Variants in EIF3H observed in about 807,000 individuals in gnomAD.
EIF3H encodes the protein eIF-3-gamma.
In EIF3H, 26 loss-of-function variants were observed where a neutral mutation model predicts 44.2. The ratio of observed to expected loss-of-function variants is 0.59; its 90% confidence interval spans 0.43 to 0.82. EIF3H has a LOEUF of 0.82. Among genes scored for constraint, EIF3H ranks in the 40% least tolerant of loss-of-function variants. EIF3H has a pLI of 0.00. For missense variants in EIF3H, 359 were observed against 432.8 expected (o/e 0.83, Z 1.51); for synonymous variants, 166 against 151.9 (o/e 1.09, Z -0.68).
intron 1 of EIF3H, among the ~76,000 whole-genome samples, chr8:116,732,841 C>CTGA (rs1387836447): frequency 6.6e-6 from 1 of 152,236 alleles, no homozygotes; most frequent in Non-Finnish European, 1.5e-5. Flanking sequence ...CACAACACTG[C>CTGA]TGACACCAGA....
intron 7 of EIF3H, among the ~76,000 whole-genome samples, chr8:116,645,413 C>T (rs540081958): frequency 1.3e-5 from 2 of 152,288 alleles, no homozygotes; most frequent in South Asian, 2.1e-4. Context: ...GAGAAAACAG[C>T]GCTGACTAGC....
intron 2 of EIF3H, among the ~76,000 whole-genome samples, chr8:116,696,763 T>C (rs1331510282): frequency 2.0e-5 from 3 of 152,204 alleles, no homozygotes; most frequent in Non-Finnish European, 4.4e-5. Flanking sequence ...ATTTATTCCC[T>C]GTATCATGCT....
intron 5 of EIF3H, among the ~76,000 whole-genome samples, chr8:116,650,693 T>G (rs1813374157): frequency 6.6e-6 from 1 of 151,830 alleles, no homozygotes; most frequent in Admixed American, 6.6e-5. Flanking sequence ...TGAGACAGAG[T>G]TTCACTCATC....
At chr8:116,686,075 A>G (rs1247315574) in intron 2 of EIF3H, among the ~76,000 whole-genome samples, 1 of 152,224 alleles carries the variant, frequency 6.6e-6, no homozygotes, top group Non-Finnish European at 1.5e-5. Context: ...CTTTACTGAC[A>G]GTAGAAAAGA....
At chr8:116,694,531 C>T (rs1017296192) in intron 2 of EIF3H, among the ~76,000 whole-genome samples, 12 of 152,076 alleles carry the variant, frequency 7.9e-5, no homozygotes, top group Non-Finnish European at 1.2e-4. Flanking sequence ...TGCTAAATTG[C>T]GATAATTCTC....
chr8:116,728,366 T>C (rs976284287), intron 1 of EIF3H, among the ~76,000 whole-genome samples: 3 of 151,944 alleles, frequency 2.0e-5, no homozygotes, highest in Non-Finnish European at 2.9e-5. Context: ...ATCTAGGAAG[T>C]AGTAGAGCCA....
intron 2 of EIF3H, among the ~76,000 whole-genome samples, chr8:116,691,603 A>C (rs1040373034): frequency 6.6e-6 from 1 of 152,016 alleles, no homozygotes; most frequent in Non-Finnish European, 1.5e-5. Context: ...GGCCAGGCAC[A>C]ATGGTTCACA....
chr8:116,656,254 A>G (rs1286949154), intron 4 of EIF3H, among the ~76,000 whole-genome samples: 1 of 152,162 alleles, frequency 6.6e-6, no homozygotes, highest in Non-Finnish European at 1.5e-5. Context: ...AGAAGAAACT[A>G]CTCATTCTTT....
chr8:116,661,642 A>T (rs1554597784), intron 2 of EIF3H, among the ~76,000 whole-genome samples: 1 of 152,234 alleles, frequency 6.6e-6, no homozygotes, highest in Non-Finnish European at 1.5e-5. Context: ...AGCATGCATT[A>T]TGATTTAAAA....
chr8:116,747,468 T>A (rs1456091728), intron 1 of EIF3H, among the ~76,000 whole-genome samples: 2 of 152,210 alleles, frequency 1.3e-5, no homozygotes, highest in African/African-American at 4.8e-5. Context: ...CAGAAACACA[T>A]ATAATTAAAA....
At chr8:116,671,555 A>C (rs1813755282) in intron 2 of EIF3H, among the ~76,000 whole-genome samples, 1 of 152,206 alleles carries the variant, frequency 6.6e-6, no homozygotes, top group Admixed American at 6.5e-5. Context: ...TCATGCATTC[A>C]TTCCCATGAC....
Position 116,644,003 on chromosome 8 carries a change from TATACTTC to T in EIF3H, c.*996_*1002del, listed in dbSNP as rs1025838027. ...TCACAACACTTGCTGTTAGCAGAAT[TATACTTC>T]ATGGTTTCGGAAGACAAATGTGAAG... On this transcript the variant is annotated 3_prime_UTR_variant, in exon 8 of 8. Coordinates refer to ENST00000521861, the MANE Select transcript of EIF3H (RefSeq NM_003756.3). 1.3e-5 allele frequency: 2 copies of T among 152,250 alleles called. No individual in the cohort carries two copies. The highest frequency in any genetic ancestry group is 4.1e-4 in the South Asian group (2 of 4,838). 9.4% of individuals were successfully genotyped at this position (152,250 alleles called of 1,614,324 possible).
chr8:116,721,417 T>C (rs1017933286), intron 2 of EIF3H, among the ~76,000 whole-genome samples: 4 of 152,234 alleles, frequency 2.6e-5, no homozygotes, highest in African/African-American at 9.6e-5. Flanking sequence ...GAACCTCTGC[T>C]AGGGCAGTGC....
At chr8:116,717,368 C>T (rs890344689) in intron 2 of EIF3H, among the ~76,000 whole-genome samples, 3 of 151,996 alleles carry the variant, frequency 2.0e-5, no homozygotes, top group African/African-American at 7.2e-5. Flanking sequence ...CAAAATACCA[C>T]CATCATTCTT....
At chr8:116,743,659 A>T (rs1176668150) in intron 1 of EIF3H, among the ~76,000 whole-genome samples, 1 of 150,476 alleles carries the variant, frequency 6.6e-6, no homozygotes, top group Non-Finnish European at 1.5e-5. Context: ...TAGGGAGGCT[A>T]AGGTGGGAGG....
chr8:116,680,907 G>T (rs1032743304), intron 2 of EIF3H, among the ~76,000 whole-genome samples: 1 of 151,546 alleles, frequency 6.6e-6, no homozygotes, highest in African/African-American at 2.4e-5. Flanking sequence ...TATTGCGCAT[G>T]TCTGGGTGCT....
Position 116,651,812 on chromosome 8 carries a change from T to A in EIF3H, c.708-2886A>T, listed in dbSNP as rs145096017. On this transcript the variant is annotated intron_variant, in intron 5 of 7. Coordinates refer to ENST00000521861, the MANE Select transcript of EIF3H (RefSeq NM_003756.3). ...TGAGGAAAAGAGAGGCAGACAACGG[T>A]CAAAGTGCAATGACTTAAAAACATA... 1.2e-4 allele frequency among the ~76,000 whole-genome samples: 19 copies of A among 152,300 alleles called. No homozygotes were observed. The East Asian group carries it at 3.5e-3, about 28-fold the overall frequency.
chr8:116,714,471 T>C (rs1166867603), intron 2 of EIF3H, among the ~76,000 whole-genome samples: 6 of 152,144 alleles, frequency 3.9e-5, no homozygotes, highest in Admixed American at 3.9e-4. Flanking sequence ...TTGGTGTCTT[T>C]GTATCTTTTT....
chr8:116,723,820 A>T (rs1480640237), intron 2 of EIF3H, among the ~76,000 whole-genome samples: 4 of 152,228 alleles, frequency 2.6e-5, no homozygotes, highest in African/African-American at 9.6e-5. Flanking sequence ...AAACGCTGCT[A>T]AAAGATGATG....
Sources: gnomAD v4.1 joint callset for allele counts (sites outside exome capture counted in the v4.1 genomes callset) on GRCh38, gnomAD v4.1.1 for gene constraint, MANE v1.5 for transcripts, NCBI Gene and HGNC (gene_info 2026-07-23, HGNC 2026-07-21) for gene names.